CTBP2: variants seen among roughly 807,000 people sequenced by gnomAD.
CTBP2 encodes the protein C-terminal-binding protein 2.
Under a neutral mutation model 80.3 loss-of-function variants are expected in CTBP2, and 30 were observed. That is an observed-to-expected ratio of 0.37 (90% CI 0.28 to 0.51). CTBP2 has a LOEUF of 0.51. Ranked by LOEUF, CTBP2 falls within the 20% of genes least tolerant of loss-of-function variation. The pLI is 0.93. For missense variants in CTBP2, 1,212 were observed against 1,375.3 expected, an observed-to-expected ratio of 0.88 and a Z score of 1.88; for synonymous variants, 594 against 587.4, an observed-to-expected ratio of 1.01 and a Z score of -0.16.
In CTBP2 at chr10:124,985,795, A is replaced by G. The variant is rs780181786; in HGVS notation, c.*3723T>C. The G allele has an allele frequency of 2.0e-5, 3 of 152,228 alleles. No individual in the cohort carries two copies. Among genetic ancestry groups the G allele is most frequent in the Non-Finnish European group, 2.9e-5 (2 of 68,038 alleles). 9.4% of individuals were successfully genotyped at this position (152,228 alleles called of 1,614,324 possible). Reference sequence around the variant, plus strand: ...TTTTTTCCTGGATGAAAAGGGAGCAAGCCCACTTGTCACTAAATGAATTGT... The same window carrying G: ...TTTTTTCCTGGATGAAAAGGGAGCAGGCCCACTTGTCACTAAATGAATTGT... On this transcript the variant is annotated 3_prime_UTR_variant, in exon 9 of 9. Coordinates refer to ENST00000309035, the MANE Select transcript of CTBP2 (RefSeq NM_022802.3).
chr10:125,075,941 C>T (rs1846210821), intron 2 of CTBP2, among the ~76,000 whole-genome samples: 1 of 152,198 alleles, frequency 6.6e-6, no homozygotes, highest in South Asian at 2.1e-4. Flanking sequence ...ATGTGCTCAA[C>T]AGACATGCGT....
At chr10:125,012,869 C>T (rs943200946) in intron 1 of CTBP2, among the ~76,000 whole-genome samples, 5 of 109,384 alleles carry the variant, frequency 4.6e-5, no homozygotes, top group African/African-American at 1.4e-4. Flanking sequence ...CATGAGCCAC[C>T]GCGCCCGGCC....
At position 125,002,610 on chromosome 10, in the gene CTBP2, C is replaced by T. The variant is rs113889299; in HGVS notation, c.1978+350G>A. ...CACACGGCAGGGGTCATTTAGGGGA[C>T]GCACCCAGCAGGGGTGGTTTAGAGG... On this transcript the variant is annotated intron_variant, in intron 3 of 8. Coordinates refer to ENST00000309035, the MANE Select transcript of CTBP2 (RefSeq NM_022802.3). Among the ~76,000 whole-genome samples the T allele has an allele frequency of 4.2e-3, 642 of 152,242 alleles. 3 individuals carry two copies. Among genetic ancestry groups the T allele is most frequent in the African/African-American group, 0.014 (590 of 41,540 alleles).
chr10:125,079,833 T>C (rs1241315916), intron 2 of CTBP2, among the ~76,000 whole-genome samples: 1 of 152,194 alleles, frequency 6.6e-6, no homozygotes, highest in Non-Finnish European at 1.5e-5. Flanking sequence ...GGGAGACTGA[T>C]TTAGAAATTG....
intron 5 of CTBP2, 25 bp from the exon 8 acceptor site, chr10:124,994,010 T>C: frequency 6.2e-7 from 1 of 1,613,420 alleles, no homozygotes; most frequent in Non-Finnish European, 8.5e-7. Context: ...AAAAGCCGGT[T>C]ACAGGCACAC....
chr10:125,060,923 G>A (rs1964854740), intron 2 of CTBP2, among the ~76,000 whole-genome samples: 1 of 152,224 alleles, frequency 6.6e-6, no homozygotes, highest in Non-Finnish European at 1.5e-5. Flanking sequence ...AACATGCAGG[G>A]TGACACCTGC....
chr10:125,067,819 T>C (rs539867807), intron 2 of CTBP2, among the ~76,000 whole-genome samples: 68 of 152,338 alleles, frequency 4.5e-4, no homozygotes, highest in African/African-American at 1.6e-3. Flanking sequence ...GCAGGGCCCA[T>C]GGTGGGACTC....
At chr10:124,996,970 G>A (rs72828985) in intron 4 of CTBP2, 13,219 of 152,372 alleles carry the variant, frequency 0.087, 761 homozygotes, top group Admixed American at 0.17. Context: ...GGACAGAAAG[G>A]TGTGCACTCC....
intron 1 of CTBP2, among the ~76,000 whole-genome samples, chr10:125,125,241 A>T (rs112986634): frequency 1.6e-4 from 24 of 152,328 alleles, no homozygotes; most frequent in African/African-American, 5.5e-4. Context: ...CTCCAAACTC[A>T]TTCTCATAAG....
chr10:125,149,002 A>G (rs576925081), intron 1 of CTBP2, among the ~76,000 whole-genome samples: 1 of 152,164 alleles, frequency 6.6e-6, no homozygotes, highest in Non-Finnish European at 1.5e-5. Flanking sequence ...TGCTGGGGAA[A>G]ACTGGCTCGC....
intron 8 of CTBP2, among the ~76,000 whole-genome samples, chr10:124,991,446 T>C (rs1952602518): frequency 6.6e-6 from 1 of 152,170 alleles, no homozygotes; most frequent in Non-Finnish European, 1.5e-5. Flanking sequence ...TCTGGTGCTG[T>C]GATAGGCTCA....
intron 2 of CTBP2, among the ~76,000 whole-genome samples, chr10:125,104,613 G>A (rs975032620): frequency 6.6e-6 from 1 of 152,152 alleles, no homozygotes; most frequent in South Asian, 2.1e-4. Context: ...TGTATTACCC[G>A]TGTGCTCACA....
chr10:125,132,793 T>C (rs1358300798), intron 1 of CTBP2, among the ~76,000 whole-genome samples: 1 of 152,252 alleles, frequency 6.6e-6, no homozygotes, highest in Non-Finnish European at 1.5e-5. Context: ...GAACAGATGA[T>C]GTACTGAAAT....
chr10:124,999,536 CCCG>C (rs2134214088), intron 3 of CTBP2: 1 of 152,326 alleles, frequency 6.6e-6, no homozygotes, highest in South Asian at 2.1e-4. Context: ...TTGAGAGTGA[CCCG>C]CTTAGCAAGA....
intron 2 of CTBP2, among the ~76,000 whole-genome samples, chr10:125,083,323 C>T (rs1847460575): frequency 6.6e-6 from 1 of 152,186 alleles, no homozygotes; most frequent in South Asian, 2.1e-4. Flanking sequence ...AAAAAAGAGT[C>T]TCCCTGTCGT....
At chr10:125,001,745 TC>T (rs1357213870) in intron 3 of CTBP2, among the ~76,000 whole-genome samples, 8 of 152,084 alleles carry the variant, frequency 5.3e-5, no homozygotes, top group Non-Finnish European at 1.2e-4. Context: ...CTCGCCCGGC[TC>T]CCCAGCCCTG....
chr10:125,005,782 T>C (rs560153432), intron 1 of CTBP2: 3 of 1,612,730 alleles, frequency 1.9e-6, no homozygotes, highest in East Asian at 4.5e-5. Flanking sequence ...CGCACAACCC[T>C]GTGGGGCCTG....
intron 2 of CTBP2, among the ~76,000 whole-genome samples, chr10:125,071,619 G>A (rs1845494801): frequency 6.6e-6 from 1 of 152,224 alleles, no homozygotes; most frequent in Non-Finnish European, 1.5e-5. Flanking sequence ...AGGAACAGGA[G>A]AATGGACCAG....
At chr10:125,092,504 G>A (rs1335758297) in intron 2 of CTBP2, among the ~76,000 whole-genome samples, 1 of 152,114 alleles carries the variant, frequency 6.6e-6, no homozygotes, top group Non-Finnish European at 1.5e-5. Context: ...AGATTCTAAT[G>A]GATTACTTCA....
Sources: allele counts gnomAD v4.1 joint callset (sites outside exome capture counted in the v4.1 genomes callset), GRCh38; gene constraint gnomAD v4.1.1; transcripts MANE v1.5; gene names NCBI Gene and HGNC (gene_info 2026-07-23, HGNC 2026-07-21).